Variants in SV2C observed in about 807,000 individuals in gnomAD.
SV2C encodes the protein solute carrier family 22 member B3.
Under a neutral mutation model 79.7 loss-of-function variants are expected in SV2C, and 49 were observed. That is an observed-to-expected ratio of 0.61 (90% CI 0.49 to 0.78). The LOEUF is 0.78. SV2C is among the 30% of genes least tolerant of loss of function. The pLI is 0.00. For synonymous variants in SV2C, 334 were observed against 333.2 expected (o/e 1.00, Z -0.03); for missense variants, 833 against 912.9 (o/e 0.91, Z 1.13).
chr5:75,921,423 T>C, the SV2C span: 7 of 803,086 alleles, frequency 8.7e-6, no homozygotes, highest in Non-Finnish European at 1.4e-5. Context: ...TCATATTGCG[T>C]CTGGAGCCTC....
chr5:76,130,145 T>TAAAAAAAAAAA (rs375351450), intron 1 of SV2C, among the ~76,000 whole-genome samples: 52 of 67,828 alleles, frequency 7.7e-4, no homozygotes, highest in African/African-American at 8.7e-4. Flanking sequence ...TCTCAGTTCT[T>TAAAAAAAAAAA]AAAAAAAAAA....
intron 6 of SV2C, among the ~76,000 whole-genome samples, chr5:76,288,481 T>G (rs1446163220): frequency 1.3e-5 from 2 of 152,138 alleles, no homozygotes; most frequent in African/African-American, 2.4e-5. Context: ...GGGGAAAAAT[T>G]TTAATTTAAA....
chr5:75,929,520 C>T, the SV2C span, among the ~76,000 whole-genome samples: 1 of 151,926 alleles, frequency 6.6e-6, no homozygotes. Context: ...AACAGTGGTA[C>T]ATTATAAAGA....
intron 4 of SV2C, among the ~76,000 whole-genome samples, chr5:76,279,930 G>A (rs191952847): frequency 1.4e-4 from 22 of 152,276 alleles, no homozygotes; most frequent in African/African-American, 4.6e-4. Flanking sequence ...TGTGAGCAGG[G>A]TGGCCTTAGC....
chr5:75,932,963 C>T, the SV2C span, among the ~76,000 whole-genome samples: 1 of 152,166 alleles, frequency 6.6e-6, no homozygotes, highest in African/African-American at 2.4e-5. Flanking sequence ...CTGGTCCTTG[C>T]CTATACTTCT....
chr5:76,146,408 C>G (rs1749424208), intron 2 of SV2C, among the ~76,000 whole-genome samples: 2 of 152,146 alleles, frequency 1.3e-5, no homozygotes, highest in Admixed American at 6.5e-5. Flanking sequence ...GGATGGATTA[C>G]TCATGCCTCC....
chr5:76,243,191 G>C (rs185314910), intron 4 of SV2C, among the ~76,000 whole-genome samples: 13 of 152,242 alleles, frequency 8.5e-5, no homozygotes, highest in Admixed American at 5.9e-4. Flanking sequence ...TGCACACACA[G>C]AGCTATAATA....
the SV2C span, among the ~76,000 whole-genome samples, chr5:75,999,135 C>A: frequency 6.6e-6 from 1 of 152,086 alleles, no homozygotes; most frequent in South Asian, 2.1e-4. Context: ...TTCACTATCA[C>A]GAGAACAGCA....
At chr5:76,038,167 G>A in the SV2C span, among the ~76,000 whole-genome samples, 8 of 152,166 alleles carry the variant, frequency 5.3e-5, no homozygotes, top group African/African-American at 1.4e-4. Context: ...AGATGAACCC[G>A]GTACCTCAGA....
chr5:76,131,514 CA>C (rs35999597), intron 1 of SV2C, 135 bp from the exon 2 acceptor site: 24,472 of 156,316 alleles, frequency 0.16, 13 homozygotes, highest in Middle Eastern at 0.23. Context: ...ACAGTGAGAT[CA>C]AAAAAAAAAA....
the SV2C span, among the ~76,000 whole-genome samples, chr5:75,894,624 C>T: frequency 6.6e-6 from 1 of 152,080 alleles, no homozygotes; most frequent in Non-Finnish European, 1.5e-5. Context: ...TCAGAGCTTG[C>T]CTGCTTTCTC....
chr5:76,253,708 GAAAAA>G (rs11390195), intron 4 of SV2C, among the ~76,000 whole-genome samples: 2 of 118,208 alleles, frequency 1.7e-5, no homozygotes, highest in African/African-American at 6.5e-5. Flanking sequence ...CCTCCCTAAG[GAAAAA>G]AAAAAAAAAA....
the SV2C span, among the ~76,000 whole-genome samples, chr5:76,057,784 G>A: frequency 2.0e-5 from 3 of 152,064 alleles, no homozygotes; most frequent in South Asian, 6.2e-4. Context: ...TAATTATTCT[G>A]GGTTAAATGA....
At chr5:76,130,075 C>A (rs1021149802) in intron 1 of SV2C, among the ~76,000 whole-genome samples, 3 of 147,242 alleles carry the variant, frequency 2.0e-5, no homozygotes, top group African/African-American at 7.6e-5. Context: ...CACCACCTTT[C>A]CATTTTTTCT....
At chr5:75,951,618 A>G in the SV2C span, among the ~76,000 whole-genome samples, 2 of 152,060 alleles carry the variant, frequency 1.3e-5, no homozygotes, top group African/African-American at 4.8e-5. Context: ...AACTGTATCA[A>G]TCTAGGGATT....
chr5:75,937,133 G>A, the SV2C span, among the ~76,000 whole-genome samples: 1 of 152,086 alleles, frequency 6.6e-6, no homozygotes, highest in African/African-American at 2.4e-5. Flanking sequence ...GAATTAAAGT[G>A]TTTAATTTCT....
At chr5:76,033,738 T>C in the SV2C span, among the ~76,000 whole-genome samples, 3 of 152,196 alleles carry the variant, frequency 2.0e-5, no homozygotes, top group Non-Finnish European at 4.4e-5. Context: ...AGGGCTCTTT[T>C]TTGGTTCCAT....
At chr5:76,154,734 T>C (rs1311098285) in intron 2 of SV2C, among the ~76,000 whole-genome samples, 1 of 152,190 alleles carries the variant, frequency 6.6e-6, no homozygotes, top group African/African-American at 2.4e-5. Context: ...TATCTGGAAA[T>C]GGCCTGTAAA....
intron 4 of SV2C, 43 bp from the exon 5 acceptor site, chr5:76,285,119 C>T: frequency 1.2e-6 from 2 of 1,608,232 alleles, no homozygotes; most frequent in Admixed American, 1.7e-5. Flanking sequence ...AGGAGGCTGT[C>T]TGGGAGGAGC....
Sources: gnomAD v4.1 joint callset for allele counts (sites outside exome capture counted in the v4.1 genomes callset) on GRCh38, gnomAD v4.1.1 for gene constraint, MANE v1.5 for transcripts, NCBI Gene and HGNC (gene_info 2026-07-23, HGNC 2026-07-21) for gene names.